CCDC51: variants seen among roughly 807,000 people sequenced by gnomAD.
CCDC51 encodes mitochondrial potassium channel.
CCDC51 carries 25 observed loss-of-function variants against 24.8 expected under a neutral mutation model. That is an observed-to-expected ratio of 1.01 (90% CI 0.73 to 1.41). The LOEUF is 1.41. Ranked by LOEUF, CCDC51 falls within the 40% of genes most tolerant of loss-of-function variation. The pLI, the probability that CCDC51 is intolerant of heterozygous loss-of-function variation, is 0.00. For synonymous variants in CCDC51, 190 were observed against 204.3 expected (o/e 0.93, Z 0.60); for missense variants, 466 against 519.1 (o/e 0.90, Z 0.99).
upstream of CCDC51, chr3:48,444,880 A>C (rs1461850142): frequency 2.0e-5 from 3 of 152,266 alleles, no homozygotes; most frequent in African/African-American, 7.2e-5. Flanking sequence ...GTGCCAGGCA[A>C]GGGGTTGGGG....
Position 48,432,729 on chromosome 3 carries a change from C to T in CCDC51, c.915G>A (p.Glu305=). 3.7e-6 allele frequency: 6 copies of T among 1,614,222 alleles called. No homozygotes were observed. Among genetic ancestry groups the T allele is most frequent in the Non-Finnish European group, 5.1e-6 (6 of 1,180,044 alleles). Residue 305 remains glutamate, a synonymous_variant, in exon 4 of 4, where the codon GAG becomes GAA. Coordinates refer to ENST00000395694, the MANE Select transcript of CCDC51 (RefSeq NM_001256964.2). ...GGACTTGCCTGGAATGACTAAGCTG[C>T]TCTTTCAAGGCAGCTGAAAGGACAT... ...DVDVLSAALK[E]QLSHSRQVHS...
At chr3:48,441,103 C>G (rs1008519037), upstream of CCDC51, 1 of 156,172 alleles carries the variant, frequency 6.4e-6, no homozygotes. Flanking sequence ...GCAACCTCCA[C>G]CTTCCGGGTT....
rs150258007 is a variant in CCDC51 at position 48,435,303 on chromosome 3, G to A, written c.-8-167C>T. Among the ~76,000 whole-genome samples the A allele has an allele frequency of 1.3e-5, 2 of 152,310 alleles. No homozygotes were observed. Among genetic ancestry groups the A allele is most frequent in the African/African-American group, 2.4e-5 (1 of 41,570 alleles). Reference sequence around the variant, plus strand: ...ACTGTGGCCCCTGTGGCAAGAGGATGGTCAGGCTCTCCTCTGGGTGCTCTT... The same window carrying A: ...ACTGTGGCCCCTGTGGCAAGAGGATAGTCAGGCTCTCCTCTGGGTGCTCTT... On this transcript the variant is annotated intron_variant, in intron 1 of 3. Coordinates refer to ENST00000395694, the MANE Select transcript of CCDC51 (RefSeq NM_001256964.2). The surrounding 1 kb of genome is among the most constrained non-coding windows in gnomAD (Gnocchi z 4.2).
upstream of CCDC51, among the ~76,000 whole-genome samples, chr3:48,441,207 G>A (rs1400770182): frequency 6.6e-6 from 1 of 151,788 alleles, no homozygotes; most frequent in Non-Finnish European, 1.5e-5. Flanking sequence ...GACGGAGTGC[G>A]GCTAATTTTT....
chr3:48,444,200 T>C (rs1004296182), upstream of CCDC51: 4 of 236,830 alleles, frequency 1.7e-5, no homozygotes, highest in Non-Finnish European at 3.2e-5. Flanking sequence ...ACCAACTCAT[T>C]TGAAAGGATG....
chr3:48,437,070 GCCA>G lies in CCDC51; in HGVS notation c.-8-1937_-8-1935del. Among the ~76,000 whole-genome samples the G allele has an allele frequency of 6.6e-6, 1 of 152,232 alleles. No homozygotes were observed. The highest frequency in any genetic ancestry group is 2.1e-4 in the South Asian group (1 of 4,822). ...CAGCCACCGTGCTGGTCTGTGCCCT[GCCA>G]CCTTGTCCAGCTGGATGACTCTTCC... On this transcript the variant is annotated intron_variant, in intron 1 of 3. Coordinates refer to ENST00000395694, the MANE Select transcript of CCDC51 (RefSeq NM_001256964.2). This position sits in a 1 kb window ranked among gnomAD's most constrained non-coding sequence, Gnocchi z 4.2.
upstream of CCDC51, among the ~76,000 whole-genome samples, chr3:48,441,867 T>C (rs888329847): frequency 6.6e-6 from 1 of 152,174 alleles, no homozygotes; most frequent in Non-Finnish European, 1.5e-5. Context: ...AAGACCTCTC[T>C]CCCAGTGGGT....
upstream of CCDC51, among the ~76,000 whole-genome samples, chr3:48,443,241 CAAAAAAAAAAAAAA>C (rs3082576): frequency 4.3e-5 from 3 of 70,538 alleles, no homozygotes; most frequent in South Asian, 5.3e-4. Flanking sequence ...ACTCCATCTC[CAAAAAAAAAAAAAA>C]AAAAAAAAAA....
upstream of CCDC51, chr3:48,440,386 G>A: frequency 6.2e-7 from 1 of 1,611,730 alleles, no homozygotes; most frequent in Non-Finnish European, 8.5e-7. Context: ...GGCCGAACGT[G>A]CTCGTGTCGC....
Position 48,432,416 on chromosome 3 carries a change from C to T in CCDC51, c.1228G>A (p.Ala410Thr), listed in dbSNP as rs1293174502. 1 of 1,614,142 alleles carries T rather than the reference C, an allele frequency of 6.2e-7. No homozygotes were observed. The change falls in exon 4 of 4, where the codon GCC (alanine) becomes ACC (threonine). Residue 410 changes from alanine (A) to threonine (T), a missense_variant. Ala to Thr is a moderately conservative substitution (Grantham distance 58). Transcript: ENST00000395694. The part of the protein sequence containing the change: ...TLPVLYMLFK[A>T]S ...GGAGGAGGGGCCAGGGGTTAGCTGG[C>T]TTTGAATAGCATGTAGAGCACAGGC...
At chr3:48,434,091 G>A (rs932519997) in intron 2 of CCDC51, 10 of 1,029,034 alleles carry the variant, frequency 9.7e-6, no homozygotes, top group Non-Finnish European at 1.3e-5. Context: ...CATTCAAGCA[G>A]AAATAACATG....
upstream of CCDC51, chr3:48,440,634 T>C (rs2039537087): frequency 1.9e-6 from 3 of 1,609,724 alleles, no homozygotes; most frequent in Non-Finnish European, 2.5e-6. Flanking sequence ...CTTGGGTAAG[T>C]GGGGGCCGAA....
the CCDC51 span, among the ~76,000 whole-genome samples, chr3:48,445,788 A>G: frequency 1.3e-5 from 2 of 152,202 alleles, no homozygotes; most frequent in Non-Finnish European, 1.5e-5. Flanking sequence ...TTTGGCACTG[A>G]GCAGGTAAGG....
upstream of CCDC51, among the ~76,000 whole-genome samples, chr3:48,441,487 T>TG: frequency 7.0e-6 from 1 of 142,128 alleles, no homozygotes; most frequent in South Asian, 2.1e-4. Flanking sequence ...CTGGCCAACT[T>TG]TTTTTTTTTT....
chr3:48,440,787 C>T (rs2039542541), upstream of CCDC51: 8 of 685,568 alleles, frequency 1.2e-5, no homozygotes, highest in East Asian at 1.1e-4. Context: ...GGATTTGCAG[C>T]GGCAGTAAGG....
rs2039193468 is a variant in CCDC51, at chr3:48,432,403, A to G, written c.*5T>C. 1 of 1,613,496 alleles carries G rather than the reference A, an allele frequency of 6.2e-7. No individual in the cohort carries two copies. Among genetic ancestry groups the G allele is most frequent in the Non-Finnish European group, 8.5e-7 (1 of 1,179,550 alleles). On this transcript the variant is annotated 3_prime_UTR_variant, in exon 4 of 4. Transcript: ENST00000395694. Reference sequence around the variant, plus strand: ...CCTCAGACCCTCTGGAGGAGGGGCCAGGGGTTAGCTGGCTTTGAATAGCAT... The same window carrying G: ...CCTCAGACCCTCTGGAGGAGGGGCCGGGGGTTAGCTGGCTTTGAATAGCAT...
chr3:48,445,710 CTCTCTT>C, the CCDC51 span, among the ~76,000 whole-genome samples: 1 of 152,210 alleles, frequency 6.6e-6, no homozygotes, highest in African/African-American at 2.4e-5. Context: ...CCTGATAGCA[CTCTCTT>C]TTTCATTTAC....
rs2039340439 is a variant in CCDC51, at chr3:48,435,967, C to A, written c.-8-831G>T. 6.6e-6 allele frequency among the ~76,000 whole-genome samples: 1 copy of A among 152,146 alleles called. No individual in the cohort carries two copies. Reference sequence around the variant, plus strand: ...TTTCTCTCATCTTTCCCTTTTCCATCTTGCTTTGATGTTTGGGCCTGCTTC... The same window carrying A: ...TTTCTCTCATCTTTCCCTTTTCCATATTGCTTTGATGTTTGGGCCTGCTTC... On this transcript the variant is annotated intron_variant, in intron 1 of 3. Coordinates refer to ENST00000395694, the MANE Select transcript of CCDC51 (RefSeq NM_001256964.2). The surrounding 1 kb of genome is among the most constrained non-coding windows in gnomAD (Gnocchi z 4.2).
chr3:48,439,016 T>A (rs2039461612), intron 1 of CCDC51, among the ~76,000 whole-genome samples: 1 of 152,182 alleles, frequency 6.6e-6, no homozygotes, highest in Admixed American at 6.6e-5. Context: ...ACAGCTGCTA[T>A]CTGTGCTGCT....
Sources: gnomAD v4.1 joint callset for allele counts (sites outside exome capture counted in the v4.1 genomes callset) on GRCh38, gnomAD v4.1.1 for gene constraint, Gnocchi (gnomAD v3.1) non-coding constraint, MANE v1.5 for transcripts, NCBI Gene and HGNC (gene_info 2026-07-23, HGNC 2026-07-21) for gene names.